The following L2HGDH variants were observed in gnomAD, a reference collection of about 807,000 sequenced individuals.
L2HGDH encodes L-2-hydroxyglutarate dehydrogenase.
In L2HGDH, 34 loss-of-function variants were observed where a neutral mutation model predicts 51.5. The observed-to-expected ratio is 0.66, with a 90% CI of 0.50 to 0.88. The LOEUF (loss-of-function observed/expected upper bound fraction) is 0.88. Ranked by LOEUF, L2HGDH falls within the 40% of genes least tolerant of loss-of-function variation. The pLI is 0.00. For synonymous variants in L2HGDH, 198 were observed against 197.9 expected, an observed-to-expected ratio of 1.00 and a Z score of -0.01; for missense variants, 558 against 571.9, an observed-to-expected ratio of 0.98 and a Z score of 0.25.
At position 50,246,752 on chromosome 14, in the gene L2HGDH, T is replaced by C; in HGVS notation, c.*306A>G. On this transcript the variant is annotated 3_prime_UTR_variant, in exon 10 of 10. Coordinates refer to ENST00000267436, the MANE Select transcript of L2HGDH (RefSeq NM_024884.3). ...AAAATTATTATTATTATTATTTTCT[T>C]GCTCTGTCACCCAGGCTGGAGTGCA... 1 of 228,438 alleles carries C rather than the reference T, an allele frequency of 4.4e-6. No homozygotes were observed. 14.2% of individuals were successfully genotyped at this position (228,438 alleles called of 1,614,324 possible). A position where few individuals can be genotyped will look rare whatever the true frequency, so the allele number is the denominator to read the frequency against.
chr14:50,293,994 A>G, intron 4 of L2HGDH, 121 bp downstream of exon 4: 3 of 1,184,146 alleles, frequency 2.5e-6, no homozygotes, highest in Admixed American at 3.6e-5. Context: ...TCACTTCACT[A>G]CTTCTGTGAC....
chr14:50,309,014 A>G (rs921490938), intron 1 of L2HGDH, among the ~76,000 whole-genome samples: 4 of 109,760 alleles, frequency 3.6e-5, no homozygotes, highest in Non-Finnish European at 8.5e-5. Flanking sequence ...GCCAATCTCC[A>G]AAGGCTTGTT....
At chr14:50,263,767 C>A (rs954137728) in intron 9 of L2HGDH, among the ~76,000 whole-genome samples, 1 of 128,434 alleles carries the variant, frequency 7.8e-6, no homozygotes, top group Non-Finnish European at 1.7e-5. Flanking sequence ...TCTAGAAAGC[C>A]TTTTATCTTT....
At chr14:50,272,758 C>T (rs1322886916) in intron 6 of L2HGDH, among the ~76,000 whole-genome samples, 2 of 152,148 alleles carry the variant, frequency 1.3e-5, no homozygotes, top group Non-Finnish European at 2.9e-5. Flanking sequence ...TGCTGGCACA[C>T]GTAAGTTGAA....
intron 9 of L2HGDH, among the ~76,000 whole-genome samples, chr14:50,259,352 T>C (rs1888865132): frequency 8.2e-6 from 1 of 122,494 alleles, no homozygotes; most frequent in African/African-American, 3.1e-5. Context: ...TCTTTCTGTT[T>C]TTTTTCTTTT....
intron 7 of L2HGDH, among the ~76,000 whole-genome samples, chr14:50,268,724 C>A (rs1021734467): frequency 6.6e-6 from 1 of 152,152 alleles, no homozygotes; most frequent in African/African-American, 2.4e-5. Context: ...CAGGGTAGTT[C>A]CAGACAGAAG....
chr14:50,265,966 G>T (rs1228742675), intron 8 of L2HGDH, among the ~76,000 whole-genome samples: 1 of 151,984 alleles, frequency 6.6e-6, no homozygotes, highest in Non-Finnish European at 1.5e-5. Flanking sequence ...GCCAATATCA[G>T]AAGAAAACCT....
chr14:50,304,292 G>A (rs1410030489), intron 1 of L2HGDH, among the ~76,000 whole-genome samples: 4 of 152,140 alleles, frequency 2.6e-5, no homozygotes, highest in African/African-American at 7.2e-5. Context: ...GTTGTTATGC[G>A]GTGCATGACT....
chr14:50,312,187 A>C lies in L2HGDH; in HGVS notation c.-37T>G, dbSNP rs774389302. 3.7e-6 allele frequency: 6 copies of C among 1,605,870 alleles called. No individual in the cohort carries two copies. The highest frequency in any genetic ancestry group is 3.3e-5 in the South Asian group (3 of 90,584). On this transcript the variant is annotated 5_prime_UTR_variant, in exon 1 of 10. Coordinates refer to ENST00000267436, the MANE Select transcript of L2HGDH (RefSeq NM_024884.3). ...GCTCCCCTCCCTCAGCGCTCAGAAG[A>C]AGCCACTTGACCCTCCACGGCCGAG...
At chr14:50,258,995 C>G (rs1007626166) in intron 9 of L2HGDH, among the ~76,000 whole-genome samples, 8 of 150,266 alleles carry the variant, frequency 5.3e-5, no homozygotes, top group African/African-American at 9.8e-5. Flanking sequence ...CATATGCGCA[C>G]CACCACGCCA....
chr14:50,278,160 G>C (rs182126697), intron 6 of L2HGDH, among the ~76,000 whole-genome samples: 1 of 152,308 alleles, frequency 6.6e-6, no homozygotes, highest in African/African-American at 2.4e-5. Context: ...AATAAAAGCA[G>C]TCCATCTCCC....
intron 5 of L2HGDH, 66 bp downstream of exon 5, chr14:50,283,805 A>G (rs1890408572): frequency 7.0e-7 from 1 of 1,426,182 alleles, no homozygotes; most frequent in Non-Finnish European, 9.8e-7. Flanking sequence ...GGTTAAAACC[A>G]CAGATGCAAA....
At chr14:50,258,687 A>C (rs1888817652) in intron 9 of L2HGDH, among the ~76,000 whole-genome samples, 1 of 150,910 alleles carries the variant, frequency 6.6e-6, no homozygotes, top group South Asian at 2.1e-4. Flanking sequence ...CTAGTTTTTA[A>C]ATTTTTGGTA....
chr14:50,290,260 C>A (rs757104106), intron 4 of L2HGDH, among the ~76,000 whole-genome samples: 1 of 151,744 alleles, frequency 6.6e-6, no homozygotes, highest in African/African-American at 2.4e-5. Context: ...GAGTGAGACT[C>A]CGTCTCATAA....
rs766016839 is a variant in L2HGDH at position 50,312,063 on chromosome 14, C to A, written c.88G>T (p.Ala30Ser). The change falls in exon 1 of 10, where the codon GCG (alanine) becomes TCG (serine). Residue 30 changes from alanine to serine, a missense_variant. Coordinates refer to ENST00000267436, the MANE Select transcript of L2HGDH (RefSeq NM_024884.3). ...AGGSPGACGF[A>S]SGRPRPLCGG... ...CACAGCGGTCTTGGCCTCCCAGACG[C>A]GAACCCGCACGCCCCAGGGGAGCCA... 6.3e-7 allele frequency: 1 copy of A among 1,596,616 alleles called. No individual in the cohort carries two copies. Among genetic ancestry groups the A allele is most frequent in the Non-Finnish European group, 8.5e-7 (1 of 1,173,190 alleles).
At chr14:50,305,337 A>G (rs2030664332) in intron 1 of L2HGDH, among the ~76,000 whole-genome samples, 1 of 152,262 alleles carries the variant, frequency 6.6e-6, no homozygotes, top group Admixed American at 6.5e-5. Flanking sequence ...GAGCAGCACA[A>G]GTAAAATGGG....
chr14:50,269,447 G>A, intron 6 of L2HGDH, 117 bp from the exon 7 acceptor site: 1 of 1,006,920 alleles, frequency 9.9e-7, no homozygotes, highest in South Asian at 1.4e-5. Context: ...TTCTAAAAGA[G>A]GATATTCAAT....
intron 5 of L2HGDH, among the ~76,000 whole-genome samples, chr14:50,282,698 T>C (rs995859939): frequency 6.6e-6 from 1 of 152,108 alleles, no homozygotes; most frequent in Non-Finnish European, 1.5e-5. Context: ...CCACGGAGAA[T>C]TGTAAAAGTC....
chr14:50,288,905 A>T (rs1890711977), intron 4 of L2HGDH, among the ~76,000 whole-genome samples: 1 of 152,240 alleles, frequency 6.6e-6, no homozygotes, highest in African/African-American at 2.4e-5. Context: ...AATCACTAAA[A>T]GAGCTAATTT....
Sources: allele counts gnomAD v4.1 joint callset (sites outside exome capture counted in the v4.1 genomes callset), GRCh38; gene constraint gnomAD v4.1.1; transcripts MANE v1.5; gene names NCBI Gene and HGNC (gene_info 2026-07-23, HGNC 2026-07-21).